The following RIC3 variants were observed in gnomAD, a reference collection of about 807,000 sequenced individuals.
RIC3 encodes RIC3 acetylcholine receptor chaperone.
A neutral mutation model predicts 27.3 loss-of-function variants in RIC3; 28 were observed. That is an observed-to-expected ratio of 1.02 (90% confidence interval 0.76 to 1.41). The LOEUF is 1.41. RIC3 is among the 40% of genes most tolerant of loss of function. The pLI is 0.00. For synonymous variants in RIC3, 184 were observed against 160.4 expected (o/e 1.15, Z -1.11); for missense variants, 501 against 444.7 (o/e 1.13, Z -1.14).
In RIC3 at chr11:8,109,262, A is replaced by G. The variant is rs75276522; in HGVS notation, c.*1436T>C. ...CAAGCATAATGTAACTCTAAAAGCC[A>G]TATCTACCTTTACATAATGTCTTAA... On this transcript the variant is annotated 3_prime_UTR_variant, in exon 6 of 6. Coordinates refer to ENST00000309737, the MANE Select transcript of RIC3 (RefSeq NM_001206671.4). 1.2e-4 allele frequency: 18 copies of G among 152,314 alleles called. No homozygotes were observed. The highest frequency in any genetic ancestry group is 2.6e-4 in the African/African-American group (11 of 41,548). 9.4% of individuals were successfully genotyped at this position (152,314 alleles called of 1,614,324 possible).
the RIC3 span, among the ~76,000 whole-genome samples, chr11:8,095,006 G>A: frequency 2.0e-5 from 3 of 152,246 alleles, no homozygotes; most frequent in South Asian, 2.1e-4. Context: ...TTGGGAAGGC[G>A]AGTGTATGCC....
intron 1 of RIC3, among the ~76,000 whole-genome samples, chr11:8,142,223 T>G (rs925893854): frequency 7.4e-6 from 1 of 134,356 alleles, no homozygotes; most frequent in Non-Finnish European, 1.5e-5. Flanking sequence ...CTTCAAAAAA[T>G]TAATGAATCC....
chr11:8,099,979 C>T, the RIC3 span, among the ~76,000 whole-genome samples: 2 of 152,090 alleles, frequency 1.3e-5, no homozygotes, highest in Non-Finnish European at 2.9e-5. Context: ...AGCTGGAGAG[C>T]CACTGGAGAG....
At chr11:8,140,942 G>C (rs867505635) in intron 1 of RIC3, among the ~76,000 whole-genome samples, 3 of 149,998 alleles carry the variant, frequency 2.0e-5, no homozygotes, top group South Asian at 2.2e-4. Flanking sequence ...AGCTTCATAA[G>C]TGAAGGAGAA....
intron 5 of RIC3, among the ~76,000 whole-genome samples, chr11:8,124,417 C>T (rs1269204884): frequency 2.6e-5 from 4 of 152,294 alleles, no homozygotes; most frequent in African/African-American, 9.6e-5. Flanking sequence ...AGATATAAGA[C>T]GTTCATGAAC....
chr11:8,162,160 A>C (rs67538440), intron 1 of RIC3, among the ~76,000 whole-genome samples: 12,414 of 152,212 alleles, frequency 0.082, 608 homozygotes, highest in African/African-American at 0.12. Context: ...CAGAGTGAAA[A>C]GGACACAGAA....
chr11:8,128,251 G>T (rs1020826161), intron 4 of RIC3: 1 of 457,244 alleles, frequency 2.2e-6, no homozygotes, highest in African/African-American at 2.0e-5. Flanking sequence ...TCTTCAGGCG[G>T]CACATGTTAC....
chr11:8,095,770 G>A, the RIC3 span: 22 of 1,253,368 alleles, frequency 1.8e-5, 1 homozygote, highest in South Asian at 3.1e-4. Context: ...CCCCTCCCTG[G>A]CAATGGTGGG....
At chr11:8,121,131 T>C (rs901225186) in intron 5 of RIC3, among the ~76,000 whole-genome samples, 1 of 152,204 alleles carries the variant, frequency 6.6e-6, no homozygotes, top group South Asian at 2.1e-4. Context: ...AGGAATTTAA[T>C]GCTGCCGTTA....
chr11:8,100,732 A>G, the RIC3 span: 1 of 1,569,168 alleles, frequency 6.4e-7, no homozygotes, highest in Non-Finnish European at 8.7e-7. Flanking sequence ...GGTCTAGGGA[A>G]ATCCAAGGAC....
chr11:8,093,920 A>G, the RIC3 span: 1 of 1,084,638 alleles, frequency 9.2e-7, no homozygotes, highest in Non-Finnish European at 1.4e-6. Flanking sequence ...TAGAAGTGGT[A>G]CAGGGGCCCT....
At chr11:8,102,269 G>A (rs559597166), downstream of RIC3, 1 of 152,320 alleles carries the variant, frequency 6.6e-6, no homozygotes, top group South Asian at 2.1e-4. Flanking sequence ...GAATCAGCTG[G>A]TGGCTAGGTT....
rs576688696 is a variant in RIC3, at chr11:8,125,224, G to A, written c.670+1435C>T. ...AGCCGAGATGGCACCACTGCACTCCGGCCTGGGTGACAGAGCAAGACTCTG... is the reference window on the plus strand; with the variant it reads ...AGCCGAGATGGCACCACTGCACTCCAGCCTGGGTGACAGAGCAAGACTCTG... On this transcript the variant is annotated intron_variant, in intron 5 of 5. Transcript: ENST00000309737. Among the ~76,000 whole-genome samples, 95 of 151,020 alleles carry A rather than the reference G, an allele frequency of 6.3e-4. No homozygotes were observed. The Middle Eastern group carries it at 0.027, about 43-fold the overall frequency.
At chr11:8,111,341 C>T (rs1945241736) in intron 5 of RIC3, among the ~76,000 whole-genome samples, 1 of 152,182 alleles carries the variant, frequency 6.6e-6, no homozygotes, top group African/African-American at 2.4e-5. Flanking sequence ...CTTTGAAATA[C>T]AAACTAATTC....
chr11:8,138,131 G>A, intron 3 of RIC3, 141 bp downstream of exon 3: 1 of 590,148 alleles, frequency 1.7e-6, no homozygotes, highest in Non-Finnish European at 3.0e-6. Context: ...AGAATTCCCA[G>A]AACTAAGGCA....
chr11:8,114,606 C>CAAAAAAAAAAAAA (rs58294024), intron 5 of RIC3, among the ~76,000 whole-genome samples: 1 of 136,686 alleles, frequency 7.3e-6, no homozygotes. Context: ...AACTCCATCT[C>CAAAAAAAAAAAAA]AAAAAAAAAA....
chr11:8,129,604 G>T (rs1271699092), intron 4 of RIC3, among the ~76,000 whole-genome samples: 2 of 152,134 alleles, frequency 1.3e-5, no homozygotes, highest in African/African-American at 2.4e-5. Context: ...AAAAATAAAA[G>T]GTCACAGTTG....
chr11:8,114,729 G>A (rs1027279795), intron 5 of RIC3, among the ~76,000 whole-genome samples: 8 of 151,640 alleles, frequency 5.3e-5, no homozygotes, highest in South Asian at 4.2e-4. Flanking sequence ...ACAATTAAAG[G>A]AAACCAGGAA....
chr11:8,140,892 A>C (rs922988544), intron 1 of RIC3, among the ~76,000 whole-genome samples: 1 of 151,606 alleles, frequency 6.6e-6, no homozygotes, highest in Non-Finnish European at 1.5e-5. Context: ...TTCTTAAAGA[A>C]AAGAATTTTC....
Sources: gnomAD v4.1 joint callset for allele counts (sites outside exome capture counted in the v4.1 genomes callset) on GRCh38, gnomAD v4.1.1 for gene constraint, MANE v1.5 for transcripts, NCBI Gene and HGNC (gene_info 2026-07-23, HGNC 2026-07-21) for gene names.